DLGAP2: variants seen among roughly 807,000 people sequenced by gnomAD.
The protein encoded by DLGAP2 is disks large-associated protein 2.
In DLGAP2, 26 loss-of-function variants were observed where a neutral mutation model predicts 100.3. That is an observed-to-expected ratio of 0.26 (90% CI 0.19 to 0.36). DLGAP2 has a LOEUF of 0.36. Ranked by LOEUF, DLGAP2 falls within the 10% of genes least tolerant of loss-of-function variation. The probability of loss-of-function intolerance (pLI) is 1.00; values close to 1 mark genes in which losing one functional copy is unlikely to be tolerated. For missense variants in DLGAP2, 1,858 were observed against 1,453.2 expected, an observed-to-expected ratio of 1.28 and a Z score of -4.53; for synonymous variants, 886 against 630.1, an observed-to-expected ratio of 1.41 and a Z score of -6.08.
At chr8:773,903 G>C (rs1365994464) in intron 1 of DLGAP2, among the ~76,000 whole-genome samples, 2 of 152,142 alleles carry the variant, frequency 1.3e-5, no homozygotes, top group South Asian at 2.1e-4. Flanking sequence ...TCTAGTTCTA[G>C]ATCCCAGAGG....
chr8:1,085,548 T>C (rs769049981), intron 2 of DLGAP2, among the ~76,000 whole-genome samples: 3 of 152,206 alleles, frequency 2.0e-5, no homozygotes, highest in Non-Finnish European at 4.4e-5. Context: ...CCGTGTGTAT[T>C]CTCAGCGCCT....
chr8:1,069,552 G>T (rs547405633), intron 2 of DLGAP2, among the ~76,000 whole-genome samples: 4 of 152,122 alleles, frequency 2.6e-5, no homozygotes, highest in Non-Finnish European at 5.9e-5. Context: ...CTGCACATCC[G>T]AGAGTCCGAG....
intron 2 of DLGAP2, among the ~76,000 whole-genome samples, chr8:1,171,922 C>T (rs183727099): frequency 0.11 from 16,207 of 152,080 alleles, 1,159 homozygotes; most frequent in Middle Eastern, 0.21. Context: ...TTGATCCTGT[C>T]ATTATGATGT....
intron 3 of DLGAP2, among the ~76,000 whole-genome samples, chr8:1,387,998 G>A (rs1000226296): frequency 2.0e-5 from 3 of 152,244 alleles, no homozygotes; most frequent in East Asian, 1.9e-4. Flanking sequence ...CACGGTGGGC[G>A]CAGAGCTGCT....
intron 1 of DLGAP2, among the ~76,000 whole-genome samples, chr8:755,150 A>G (rs1168809352): frequency 1.3e-5 from 2 of 152,158 alleles, no homozygotes; most frequent in Non-Finnish European, 2.9e-5. Flanking sequence ...TACAGAGGAC[A>G]GTGTTTTCTG....
At chr8:1,374,245 C>T (rs550580110) in intron 3 of DLGAP2, among the ~76,000 whole-genome samples, 32 of 151,930 alleles carry the variant, frequency 2.1e-4, no homozygotes, top group Non-Finnish European at 4.0e-4. Flanking sequence ...TTGTAGAGGG[C>T]TGTGTAATGG....
chr8:1,004,943 G>A (rs535739260), intron 2 of DLGAP2, among the ~76,000 whole-genome samples: 7 of 152,310 alleles, frequency 4.6e-5, no homozygotes, highest in African/African-American at 1.7e-4. Context: ...GGAAGGCTGC[G>A]TGGCAGCAGG....
At chr8:1,253,505 A>C (rs1033119066) in intron 2 of DLGAP2, among the ~76,000 whole-genome samples, 14 of 152,190 alleles carry the variant, frequency 9.2e-5, no homozygotes, top group Non-Finnish European at 1.8e-4. Flanking sequence ...CCATAGATAA[A>C]ATGCTCTATG....
chr8:907,633 G>T (rs1798406877), intron 1 of DLGAP2, among the ~76,000 whole-genome samples: 1 of 152,128 alleles, frequency 6.6e-6, no homozygotes, highest in Non-Finnish European at 1.5e-5. Context: ...CAGCTTTCAA[G>T]ACCCTGATGG....
At chr8:1,620,824 T>G (rs972449136) in intron 6 of DLGAP2, among the ~76,000 whole-genome samples, 10 of 152,216 alleles carry the variant, frequency 6.6e-5, no homozygotes, top group African/African-American at 1.7e-4. Flanking sequence ...AGTCCCTGAT[T>G]AAGAACTTGC....
At chr8:1,077,263 A>G (rs921033991) in intron 2 of DLGAP2, among the ~76,000 whole-genome samples, 1 of 152,180 alleles carries the variant, frequency 6.6e-6, no homozygotes, top group Non-Finnish European at 1.5e-5. Context: ...CCTCTGTAGC[A>G]GCCCCTGTTT....
chr8:1,488,273 C>T (rs1032694869), intron 3 of DLGAP2, among the ~76,000 whole-genome samples: 6 of 152,260 alleles, frequency 3.9e-5, no homozygotes, highest in Non-Finnish European at 8.8e-5. Context: ...CACAGACGCC[C>T]GTCTGGGATT....
At chr8:1,129,859 G>C (rs1796248816) in intron 2 of DLGAP2, among the ~76,000 whole-genome samples, 1 of 152,186 alleles carries the variant, frequency 6.6e-6, no homozygotes, top group African/African-American at 2.4e-5. Context: ...GTGGGCCTTG[G>C]ACCCCCAGGA....
At chr8:1,138,011 C>T (rs1796453101) in intron 2 of DLGAP2, among the ~76,000 whole-genome samples, 1 of 152,132 alleles carries the variant, frequency 6.6e-6, no homozygotes, top group East Asian at 1.9e-4. Flanking sequence ...TGTAGGATTA[C>T]AGGCGTGAGC....
At chr8:1,156,978 C>G (rs775024083) in intron 2 of DLGAP2, among the ~76,000 whole-genome samples, 151 of 152,180 alleles carry the variant, frequency 9.9e-4, no homozygotes, top group Non-Finnish European at 1.1e-3. Context: ...TCCACTGTTA[C>G]AGCTCCTCCC....
intron 2 of DLGAP2, among the ~76,000 whole-genome samples, chr8:1,076,674 C>T (rs963342335): frequency 6.6e-6 from 1 of 152,344 alleles, no homozygotes; most frequent in East Asian, 1.9e-4. Context: ...GAAGCATCGT[C>T]TTCCTCATCG....
intron 2 of DLGAP2, among the ~76,000 whole-genome samples, chr8:1,183,758 C>G (rs141814581): frequency 2.0e-3 from 310 of 152,330 alleles, no homozygotes; most frequent in African/African-American, 6.8e-3. Context: ...TAATGAATGT[C>G]TGCTCTTTTT....
chr8:1,080,657 C>G (rs1803777207), intron 2 of DLGAP2, among the ~76,000 whole-genome samples: 1 of 152,216 alleles, frequency 6.6e-6, no homozygotes, highest in South Asian at 2.1e-4. Context: ...GTCCTTCGTG[C>G]TGAACGCAGT....
At chr8:1,655,144 A>G (rs736315) in intron 8 of DLGAP2, among the ~76,000 whole-genome samples, 51,446 of 152,134 alleles carry the variant, frequency 0.34, 8,804 homozygotes, top group East Asian at 0.48. Context: ...AACTTGTGGG[A>G]CCCACATAAT....
Sources: gnomAD v4.1 joint callset for allele counts (sites outside exome capture counted in the v4.1 genomes callset) on GRCh38, gnomAD v4.1.1 for gene constraint, MANE v1.5 for transcripts, NCBI Gene and HGNC (gene_info 2026-07-23, HGNC 2026-07-21) for gene names.